Variants in BPIFB4 observed in about 807,000 individuals in gnomAD.
The protein encoded by BPIFB4 is BPI fold containing family B member 4.
A neutral mutation model predicts 69.2 loss-of-function variants in BPIFB4; 62 were observed. The ratio of observed to expected loss-of-function variants is 0.90; its 90% CI spans 0.73 to 1.11. BPIFB4 has a LOEUF of 1.11. BPIFB4 is among the 50% of genes least tolerant of loss of function. BPIFB4 has a pLI of 0.00. For synonymous variants in BPIFB4, 330 were observed against 332.7 expected (o/e 0.99, Z 0.09); for missense variants, 789 against 792.0 (o/e 1.00, Z 0.04).
rs147752185 is a variant in BPIFB4, at chr20:33,104,872, C to A, written c.1743C>A (p.Asn581Lys). 3 of 1,614,004 alleles carry A rather than the reference C, an allele frequency of 1.9e-6. No homozygotes were observed. The highest frequency in any genetic ancestry group is 2.5e-6 in the Non-Finnish European group (3 of 1,179,922). ...IFDLAFMPAM[N>K]AVLGSGVPLP... ...ACCTGGCATTCATGCCCGCAATGAA[C>A]GGTGAGAGCGGGTGCCTGTGCCTCT... Residue 581 changes from asparagine to lysine, a missense_variant and splice_region_variant, in exon 16 of 18, where the codon AAC becomes AAA. This residue lies in a region of BPIFB4 where 170 missense variants were observed against 193.6 expected (regional missense o/e 0.88). Coordinates refer to ENST00000375483, the MANE Select transcript of BPIFB4 (RefSeq NM_182519.3).
At position 33,083,551 on chromosome 20, in the gene BPIFB4, CCGAAACAGTG is replaced by C; in HGVS notation, c.355_364del (p.Arg119AlafsTer111). 6.2e-7 allele frequency: 1 copy of C among 1,614,044 alleles called. No individual in the cohort carries two copies. The highest frequency in any genetic ancestry group is 2.2e-5 in the East Asian group (1 of 44,874). Reference sequence around the variant, plus strand: ...AGTCCGAGGGAAGCATCAGGGACCTCCGAAACAGTGGCTATCGCAGTGCCGAGAATGCATA... The same window carrying C: ...AGTCCGAGGGAAGCATCAGGGACCTCGCTATCGCAGTGCCGAGAATGCATA... On this transcript the variant is annotated frameshift_variant, in exon 5 of 18. Transcript: ENST00000375483. LOFTEE classifies it high-confidence loss of function.
chr20:33,104,725 C>T, intron 15 of BPIFB4, 85 bp from the exon 16 acceptor site: 1 of 1,332,430 alleles, frequency 7.5e-7, no homozygotes, highest in Non-Finnish European at 1.1e-6. Context: ...GTGTCTCCAC[C>T]TTGAGCCAGG....
At chr20:33,103,968 TC>T (rs1344017112) in intron 15 of BPIFB4, among the ~76,000 whole-genome samples, 2 of 152,200 alleles carry the variant, frequency 1.3e-5, no homozygotes, top group Non-Finnish European at 2.9e-5. Flanking sequence ...CTTTTTTTTC[TC>T]TTTTAATGAG....
chr20:33,107,785 A>C lies in BPIFB4; in HGVS notation c.1786A>C (p.Ile596Leu). The change falls in exon 17 of 18, where the codon ATC becomes CTC. Residue 596 changes from isoleucine to leucine, a missense_variant. This residue lies in a region of BPIFB4 where 170 missense variants were observed against 193.6 expected (regional missense o/e 0.88). Transcript: ENST00000375483. ...SGVPLPKILN[I>L]DFSNADIDVL... Reference sequence around the variant, plus strand: ...CGTCCCTCTCCCCAAAATCCTCAACATCGACTTTAGCAATGCAGACATTGA... The same window carrying C: ...CGTCCCTCTCCCCAAAATCCTCAACCTCGACTTTAGCAATGCAGACATTGA... 6.2e-7 allele frequency: 1 copy of C among 1,614,052 alleles called. No homozygotes were observed. Among genetic ancestry groups the C allele is most frequent in the Non-Finnish European group, 8.5e-7 (1 of 1,179,956 alleles).
At position 33,086,613 on chromosome 20, in the gene BPIFB4, A is replaced by G. The variant is rs936149512; in HGVS notation, c.926+449A>G. Among the ~76,000 whole-genome samples the G allele has an allele frequency of 2.0e-5, 3 of 152,164 alleles. No homozygotes were observed. In the South Asian group the frequency reaches 6.2e-4, roughly 32 times the overall value. On this transcript the variant is annotated intron_variant, in intron 7 of 17. Coordinates refer to ENST00000375483, the MANE Select transcript of BPIFB4 (RefSeq NM_182519.3). Reference sequence around the variant, plus strand: ...CTTCAGGAATTGAGATAAGGAATGGAAAACACTTAGTGATCAGCTGGGATA... The same window carrying G: ...CTTCAGGAATTGAGATAAGGAATGGGAAACACTTAGTGATCAGCTGGGATA...
In BPIFB4 at chr20:33,111,428, G is replaced by A; in HGVS notation, c.1836G>A (p.Leu612=). 3 of 1,614,030 alleles carry A rather than the reference G, an allele frequency of 1.9e-6. No individual in the cohort carries two copies. Among genetic ancestry groups the A allele is most frequent in the Non-Finnish European group, 2.5e-6 (3 of 1,179,926 alleles). The change falls in exon 18 of 18, where the codon CTG becomes CTA. Residue 612 remains leucine (L), a synonymous_variant. Coordinates refer to ENST00000375483, the MANE Select transcript of BPIFB4 (RefSeq NM_182519.3). Reference sequence around the variant, plus strand: ...TGCCATCCAAGGACCTTTTGGTGCTGAGCGCATGAGTGACAGAGGCAGAGA... The same window carrying A: ...TGCCATCCAAGGACCTTTTGGTGCTAAGCGCATGAGTGACAGAGGCAGAGA... ...DIDVLEDLLV[L]SA
rs191754645 is a variant in BPIFB4 at position 33,096,095 on chromosome 20, G to A, written c.1398+942G>A. On this transcript the variant is annotated intron_variant, in intron 12 of 17. Coordinates refer to ENST00000375483, the MANE Select transcript of BPIFB4 (RefSeq NM_182519.3). ...TCTAGGGGGAGAACAAACTCAACAC[G>A]TGGTCACTATTGCCCTCATGTGGCT... 2.2e-4 allele frequency among the ~76,000 whole-genome samples: 34 copies of A among 152,230 alleles called. 1 individual carries two copies. Among genetic ancestry groups the A allele is most frequent in the Non-Finnish European group, 4.6e-4 (31 of 68,014 alleles).
intron 16 of BPIFB4, among the ~76,000 whole-genome samples, chr20:33,107,199 GT>G (rs761810414): frequency 8.5e-4 from 97 of 114,018 alleles, no homozygotes; most frequent in Middle Eastern, 4.9e-3. Flanking sequence ...GCAAGACTCA[GT>G]TAAAAAAAAA....
At chr20:33,097,335 C>T (rs1389025224) in intron 12 of BPIFB4, among the ~76,000 whole-genome samples, 2 of 152,196 alleles carry the variant, frequency 1.3e-5, no homozygotes, top group Admixed American at 6.5e-5. Flanking sequence ...TGGGAGACCC[C>T]ATTTCACTCA....
At chr20:33,082,323 GTTTAT>G (rs3049372) in intron 3 of BPIFB4, among the ~76,000 whole-genome samples, 57,392 of 150,874 alleles carry the variant, frequency 0.38, 11,610 homozygotes, top group African/African-American at 0.52. Flanking sequence ...ACATAAGAAA[GTTTAT>G]TTTATTTTAT....
In BPIFB4 at chr20:33,080,511, T is replaced by G. The variant is rs1600550480; in HGVS notation, c.-81T>G. On this transcript the variant is annotated 5_prime_UTR_variant, in exon 2 of 18. Transcript: ENST00000375483. ...CCCAAAGTAATAACAATAGCTGCTC[T>G]TTATTGAGTGTCTACTATGTATGAG... The G allele has an allele frequency of 6.6e-6, 1 of 152,262 alleles. No individual in the cohort carries two copies. Among genetic ancestry groups the G allele is most frequent in the East Asian group, 1.9e-4 (1 of 5,202 alleles). 9.4% of individuals were successfully genotyped at this position (152,262 alleles called of 1,614,324 possible).
Position 33,097,816 on chromosome 20 carries a change from C to T in BPIFB4, c.1569+29C>T, listed in dbSNP as rs1466771252. 3 of 1,580,176 alleles carry T rather than the reference C, an allele frequency of 1.9e-6. No individual in the cohort carries two copies. In the Admixed American group the frequency reaches 5.5e-5, roughly 29 times the overall value. On this transcript the variant is annotated intron_variant, in intron 13 of 17. Coordinates refer to ENST00000375483, the MANE Select transcript of BPIFB4 (RefSeq NM_182519.3). ...AGTGTCTGGAGGTACTGGTGGCCTC[C>T]AGCTGGGCCTCAAGACAGAGCCACA...
intron 14 of BPIFB4, 54 bp from the exon 15 acceptor site, chr20:33,102,918 C>T (rs1266625208): frequency 5.1e-6 from 8 of 1,572,308 alleles, no homozygotes; most frequent in Non-Finnish European, 7.0e-6. Flanking sequence ...ATGCAAGAGC[C>T]TTATGATTTT....
chr20:33,106,988 G>C (rs767094041), intron 16 of BPIFB4, among the ~76,000 whole-genome samples: 5 of 151,936 alleles, frequency 3.3e-5, no homozygotes, highest in Non-Finnish European at 7.4e-5. Context: ...GGTGGAGCAC[G>C]AGGTCAGGAG....
At position 33,084,847 on chromosome 20, in the gene BPIFB4, G is replaced by A. The variant is rs377395527; in HGVS notation, c.678-45G>A. 7 of 1,589,646 alleles carry A rather than the reference G, an allele frequency of 4.4e-6. No homozygotes were observed. The African/African-American group carries it at 6.7e-5, about 15-fold the overall frequency. On this transcript the variant is annotated intron_variant, in intron 5 of 17. Transcript: ENST00000375483. ...GGGAGGGCGCTCGGGTGAGTGGGTG[G>A]TAGTTGGGGTGGCCGGCCTTCTCAC...
At chr20:33,084,801 G>A in intron 5 of BPIFB4, 91 bp from the exon 6 acceptor site, 1 of 1,511,706 alleles carries the variant, frequency 6.6e-7, no homozygotes, top group Non-Finnish European at 8.8e-7. Context: ...AACAGACGGG[G>A]AGCAGAGAAA....
Position 33,086,177 on chromosome 20 carries a change from C to T in BPIFB4, c.926+13C>T, listed in dbSNP as rs41305787. ...AGCTGCTGCGAGGGTGAGTGCTAGC[C>T]GGCAGTGGAGTGCCTTGGGGGTTGC... On this transcript the variant is annotated intron_variant, in intron 7 of 17. Transcript: ENST00000375483. The T allele has an allele frequency of 0.099, 157,914 of 1,600,006 alleles. 8,405 individuals carry two copies. The highest frequency in any genetic ancestry group is 0.11 in the Non-Finnish European group (128,210 of 1,168,326).
At chr20:33,098,898 TG>T (rs1981829481) in intron 13 of BPIFB4, among the ~76,000 whole-genome samples, 1 of 152,092 alleles carries the variant, frequency 6.6e-6, no homozygotes, top group South Asian at 2.1e-4. Flanking sequence ...TGTCAGGCAC[TG>T]TCTGACCTCA....
At chr20:33,099,939 GA>G (rs1377244726) in intron 13 of BPIFB4, among the ~76,000 whole-genome samples, 7 of 152,298 alleles carry the variant, frequency 4.6e-5, no homozygotes, top group Admixed American at 1.3e-4. Context: ...GAGAGAGAGA[GA>G]GATGAGCCTG....
Sources: allele counts gnomAD v4.1 joint callset (sites outside exome capture counted in the v4.1 genomes callset), GRCh38; gene constraint gnomAD v4.1.1; regional missense constraint gnomAD v4.1.1; transcripts MANE v1.5; gene names NCBI Gene and HGNC (gene_info 2026-07-23, HGNC 2026-07-21).